Variants in ESYT2 observed in about 807,000 individuals in gnomAD.
ESYT2 encodes the protein extended synaptotagmin 2.
ESYT2 carries 54 observed loss-of-function variants against 107.2 expected under a neutral mutation model. That is an observed-to-expected ratio of 0.50 (90% CI 0.40 to 0.63). The LOEUF is 0.63. Among genes scored for constraint, ESYT2 ranks in the 30% least tolerant of loss-of-function variants. The pLI, the probability that ESYT2 is intolerant of heterozygous loss-of-function variation, is 0.00. For synonymous variants in ESYT2, 491 were observed against 434.1 expected, an observed-to-expected ratio of 1.13 and a Z score of -1.63; for missense variants, 1,020 against 1,094.5, an observed-to-expected ratio of 0.93 and a Z score of 0.96.
intron 17 of ESYT2, among the ~76,000 whole-genome samples, chr7:158,742,161 C>G (rs2129471372): frequency 6.6e-6 from 1 of 152,300 alleles, no homozygotes; most frequent in South Asian, 2.1e-4. Flanking sequence ...CACTACACCA[C>G]AAGCTCCTGG....
chr7:158,767,623 T>C (rs1563638268), intron 8 of ESYT2, 31 bp downstream of exon 8: 1 of 1,599,928 alleles, frequency 6.3e-7, no homozygotes, highest in African/African-American at 1.3e-5. Flanking sequence ...AAGATGTTTT[T>C]AAATGTGAAT....
chr7:158,742,015 A>T (rs112896284), intron 17 of ESYT2, 119 bp from the exon 18 acceptor site: 29 of 1,218,986 alleles, frequency 2.4e-5, no homozygotes, highest in African/African-American at 1.7e-4. Flanking sequence ...TCAAAAAAAA[A>T]TTTTTTTTTA....
chr7:158,735,394 G>C (rs544068203), intron 21 of ESYT2, 109 bp downstream of exon 21: 5 of 803,208 alleles, frequency 6.2e-6, no homozygotes, highest in South Asian at 5.1e-5. Context: ...CATCGACCTC[G>C]TAAGTTCGCC....
At chr7:158,816,138 G>T (rs1021582487) in intron 1 of ESYT2, among the ~76,000 whole-genome samples, 2 of 152,144 alleles carry the variant, frequency 1.3e-5, no homozygotes, top group South Asian at 2.1e-4. Flanking sequence ...AAAAACGGAG[G>T]AAGTCCAGCC....
In ESYT2 at chr7:158,785,883, G is replaced by A. The variant is rs139780806; in HGVS notation, c.747+2121C>T. Among the ~76,000 whole-genome samples, 154 of 152,202 alleles carry A rather than the reference G, an allele frequency of 1.0e-3. 3 individuals carry two copies. The highest frequency in any genetic ancestry group is 4.4e-3 in the South Asian group (21 of 4,822). On this transcript the variant is annotated intron_variant, in intron 6 of 22. Coordinates refer to ENST00000275418, the MANE Select transcript of ESYT2 (RefSeq NM_001367773.1). ...AAGTAGAAAAATGTATAAAGGTTTC[G>A]TAAGGGTTTCTAAATCATCCAAATA...
At chr7:158,826,914 C>T (rs959424705) in intron 1 of ESYT2, among the ~76,000 whole-genome samples, 1 of 151,824 alleles carries the variant, frequency 6.6e-6, no homozygotes, top group African/African-American at 2.4e-5. Flanking sequence ...CCTGTAATCC[C>T]TGCACTTGGG....
chr7:158,747,407 CAAAT>C (rs1364992494), intron 16 of ESYT2, among the ~76,000 whole-genome samples: 1 of 150,406 alleles, frequency 6.6e-6, no homozygotes, highest in Non-Finnish European at 1.5e-5. Context: ...ATTAAGAAGA[CAAAT>C]AACCAAATAA....
intron 1 of ESYT2, among the ~76,000 whole-genome samples, chr7:158,822,416 C>A (rs1294448696): frequency 6.6e-6 from 1 of 152,100 alleles, no homozygotes; most frequent in African/African-American, 2.4e-5. Context: ...TATTGCTATG[C>A]AATTAAAATT....
intron 13 of ESYT2, among the ~76,000 whole-genome samples, chr7:158,756,296 T>G (rs1229568602): frequency 6.6e-6 from 1 of 152,086 alleles, no homozygotes. Flanking sequence ...TGAAAACGGC[T>G]CTCTACTGCA....
chr7:158,760,008 TGAG>T (rs775455968), intron 12 of ESYT2, 47 bp downstream of exon 12: 12 of 1,538,804 alleles, frequency 7.8e-6, no homozygotes, highest in South Asian at 5.6e-5. Flanking sequence ...AGCTCAGTTA[TGAG>T]GAGTAGTTGG....
intron 6 of ESYT2, among the ~76,000 whole-genome samples, chr7:158,785,222 A>G (rs1437694698): frequency 6.6e-6 from 1 of 152,158 alleles, no homozygotes; most frequent in East Asian, 1.9e-4. Context: ...CATAAGTTCA[A>G]GACCATCCTG....
rs1837474546 is a variant in ESYT2 at position 158,748,380 on chromosome 7, T to C, written c.1558-100A>G. The C allele has an allele frequency of 6.1e-6, 6 of 979,932 alleles. No homozygotes were observed. The South Asian group carries it at 9.1e-5, about 15-fold the overall frequency. The allele number at this position is 979,932 out of a possible 1,614,324, so 60.7% of individuals were successfully genotyped here. Reference sequence around the variant, plus strand: ...CTTAGAATGAAAAATAAAAAGAAAATAAATAAAACAAAAAACTAGAAGCTT... The same window carrying C: ...CTTAGAATGAAAAATAAAAAGAAAACAAATAAAACAAAAAACTAGAAGCTT... On this transcript the variant is annotated intron_variant, in intron 15 of 22. Transcript: ENST00000275418.
intron 3 of ESYT2, among the ~76,000 whole-genome samples, chr7:158,794,680 G>C (rs1046572164): frequency 2.7e-5 from 4 of 147,854 alleles, no homozygotes; most frequent in Non-Finnish European, 5.9e-5. Context: ...GGAGGCTGTG[G>C]TAGGGGGAAT....
intron 16 of ESYT2, chr7:158,744,125 A>G (rs1010219596): frequency 2.6e-5 from 4 of 154,108 alleles, no homozygotes; most frequent in African/African-American, 9.6e-5. Flanking sequence ...TAAGAAAGAT[A>G]TTTTTAAAAA....
chr7:158,782,191 A>T (rs957157157), intron 6 of ESYT2, among the ~76,000 whole-genome samples: 1 of 151,162 alleles, frequency 6.6e-6, no homozygotes, highest in African/African-American at 2.4e-5. Context: ...GTGAAAGAAC[A>T]AGTGAGAACA....
Position 158,799,046 on chromosome 7 carries a change from T to A in ESYT2, c.357A>T (p.Ala119=). 3 of 1,613,776 alleles carry A rather than the reference T, an allele frequency of 1.9e-6. No homozygotes were observed. Among genetic ancestry groups the A allele is most frequent in the Non-Finnish European group, 2.5e-6 (3 of 1,179,692 alleles). ...AWVHFPDTER[A]EWLNKTVKHM... is the part of the protein sequence containing the mutation. ...CTAATCTTACCTTATTTAGCCATTC[T>A]GCTCTTTCAGTGTCTGGAAAATGAA... is the stretch of plus-strand genomic sequence containing the variant. The change falls in exon 2 of 23, where the codon GCA becomes GCT. Residue 119 remains alanine (A), a synonymous_variant. Transcript: ENST00000275418.
chr7:158,743,579 G>C lies in ESYT2; in HGVS notation c.1744C>G (p.Leu582Val). 6.2e-7 allele frequency: 1 copy of C among 1,613,108 alleles called. No individual in the cohort carries two copies. The highest frequency in any genetic ancestry group is 8.5e-7 in the Non-Finnish European group (1 of 1,179,732). Residue 582 changes from leucine to valine, a missense_variant, in exon 17 of 23, where the codon CTC becomes GTC. Transcript: ENST00000275418. ...EDMTVSQRFQLSNSGPNSTIK... is the reference protein window; with the variant it reads ...EDMTVSQRFQVSNSGPNSTIK... ...GTGCTGTTTGGACCCGAGTTACTGA[G>C]CTGGAAGCGCTGGCTCACAGTCATG... is the stretch of plus-strand genomic sequence containing the variant.
intron 1 of ESYT2, among the ~76,000 whole-genome samples, chr7:158,810,980 T>C (rs1264123848): frequency 1.5e-5 from 2 of 135,846 alleles, no homozygotes; most frequent in Non-Finnish European, 3.1e-5. Context: ...ATGTGAATTA[T>C]AGCTCAATAC....
At chr7:158,754,236 C>T (rs900837597) in intron 13 of ESYT2, among the ~76,000 whole-genome samples, 1 of 152,128 alleles carries the variant, frequency 6.6e-6, no homozygotes, top group Non-Finnish European at 1.5e-5. Context: ...GAGACGGAGT[C>T]TTGCTCTGTC....
Sources: gnomAD v4.1 joint callset for allele counts (sites outside exome capture counted in the v4.1 genomes callset) on GRCh38, gnomAD v4.1.1 for gene constraint, MANE v1.5 for transcripts, NCBI Gene and HGNC (gene_info 2026-07-23, HGNC 2026-07-21) for gene names.